The following ATG5 variants were observed in gnomAD, a reference collection of about 807,000 sequenced individuals.
ATG5 encodes the protein autophagy protein 5.
A neutral mutation model predicts 36.5 loss-of-function variants in ATG5; 14 were observed. The observed-to-expected ratio is 0.38, with a 90% CI of 0.25 to 0.60. ATG5 has a LOEUF of 0.60. Among genes scored for constraint, ATG5 ranks in the 20% least tolerant of loss-of-function variants. The pLI is 0.60. For synonymous variants in ATG5, 95 were observed against 101.5 expected (o/e 0.94, Z 0.38); for missense variants, 195 against 326.7 (o/e 0.60, Z 3.11).
chr6:106,307,679 G>T (rs1436950142), intron 3 of ATG5, among the ~76,000 whole-genome samples: 1 of 151,886 alleles, frequency 6.6e-6, no homozygotes, highest in African/African-American at 2.4e-5. Flanking sequence ...CCGGATTACA[G>T]GCATGTGCCA....
At chr6:106,311,328 G>A (rs1316892891) in intron 2 of ATG5, among the ~76,000 whole-genome samples, 3 of 152,186 alleles carry the variant, frequency 2.0e-5, no homozygotes, top group Non-Finnish European at 4.4e-5. Flanking sequence ...AGTAAAGAAT[G>A]TTATAAGAGC....
chr6:106,187,636 C>A (rs1481260317), intron 7 of ATG5, among the ~76,000 whole-genome samples: 1 of 152,066 alleles, frequency 6.6e-6, no homozygotes, highest in East Asian at 1.9e-4. Flanking sequence ...AACAAGGAAA[C>A]AGGGAATCAA....
intron 6 of ATG5, among the ~76,000 whole-genome samples, chr6:106,206,033 A>G (rs974603930): frequency 2.0e-5 from 3 of 152,202 alleles, no homozygotes; most frequent in African/African-American, 7.2e-5. Context: ...GTCAATCAGG[A>G]CGACAAAAAA....
chr6:106,209,298 G>A (rs1226246617), intron 6 of ATG5, among the ~76,000 whole-genome samples: 1 of 152,140 alleles, frequency 6.6e-6, no homozygotes, highest in African/African-American at 2.4e-5. Context: ...ACAGGTGAAT[G>A]CTTATAAACT....
At chr6:106,301,643 AC>A (rs1317219657) in intron 3 of ATG5, among the ~76,000 whole-genome samples, 2 of 151,976 alleles carry the variant, frequency 1.3e-5, no homozygotes, top group African/African-American at 4.8e-5. Context: ...CAAAATCTGA[AC>A]CTTTTTTAAC....
Position 106,186,464 on chromosome 6 carries a change from T to C in ATG5, c.*76A>G, listed in dbSNP as rs1341729802. ...CTGGTCAGGTTGCCTCCACCAAACC[T>C]GATTGAAGCAAAAGGGTGACATGCT... is the stretch of plus-strand genomic sequence containing the variant. On this transcript the variant is annotated 3_prime_UTR_variant, in exon 8 of 8. Transcript: ENST00000369076. 1.0e-5 allele frequency: 16 copies of C among 1,556,744 alleles called. No homozygotes were observed. Among genetic ancestry groups the C allele is most frequent in the Non-Finnish European group, 1.4e-5 (16 of 1,137,394 alleles).
chr6:106,234,343 G>T (rs1777809933), intron 6 of ATG5, among the ~76,000 whole-genome samples: 1 of 151,848 alleles, frequency 6.6e-6, no homozygotes, highest in Admixed American at 6.6e-5. Flanking sequence ...GCCTCCCCCT[G>T]TATTTCAGGC....
chr6:106,186,821 G>T, intron 7 of ATG5, 145 bp from the exon 8 acceptor site: 1 of 938,706 alleles, frequency 1.1e-6, no homozygotes, highest in Non-Finnish European at 1.6e-6. Flanking sequence ...CATGGAGAAA[G>T]TTCAAATGTT....
intron 4 of ATG5, among the ~76,000 whole-genome samples, chr6:106,292,312 C>A (rs138844524): frequency 6.6e-6 from 1 of 152,162 alleles, no homozygotes; most frequent in Non-Finnish European, 1.5e-5. Context: ...ATCACAAAAA[C>A]CAAATGGTGT....
Position 106,288,456 on chromosome 6 carries a change from T to C in ATG5, c.315+4572A>G, listed in dbSNP as rs139360087. 5.3e-5 allele frequency among the ~76,000 whole-genome samples: 8 copies of C among 152,246 alleles called. No homozygotes were observed. In the East Asian group the frequency reaches 1.5e-3, roughly 29 times the overall value. ...TAAACAAAACATACATCCAAATCTA[T>C]ATGTTATAAAGCAATTAACACTCTA... is the stretch of plus-strand genomic sequence containing the variant. On this transcript the variant is annotated intron_variant, in intron 4 of 7. Transcript: ENST00000369076.
chr6:106,312,413 T>A (rs1183820621), intron 2 of ATG5, among the ~76,000 whole-genome samples: 1 of 151,744 alleles, frequency 6.6e-6, no homozygotes, highest in Non-Finnish European at 1.5e-5. Flanking sequence ...CTATAAGACA[T>A]CTAAGTGAGG....
intron 4 of ATG5, among the ~76,000 whole-genome samples, chr6:106,288,997 AT>A (rs1780197864): frequency 6.6e-6 from 1 of 152,282 alleles, no homozygotes; most frequent in East Asian, 1.9e-4. Flanking sequence ...GCACAAAAAA[AT>A]CTAATCAAAA....
intron 6 of ATG5, among the ~76,000 whole-genome samples, chr6:106,206,648 CA>C (rs57955030): frequency 0.47 from 55,510 of 117,938 alleles, 10,809 homozygotes; most frequent in Admixed American, 0.57. Flanking sequence ...GAAACTGTCT[CA>C]AAAAAAAAAA....
intron 5 of ATG5, among the ~76,000 whole-genome samples, chr6:106,269,156 G>T (rs1779342782): frequency 1.3e-5 from 2 of 152,178 alleles, no homozygotes; most frequent in South Asian, 4.1e-4. Flanking sequence ...TCGACACAAA[G>T]GTTCTCCAAG....
intron 5 of ATG5, among the ~76,000 whole-genome samples, chr6:106,262,809 G>A (rs904506737): frequency 7.2e-5 from 11 of 152,178 alleles, no homozygotes; most frequent in African/African-American, 9.7e-5. Flanking sequence ...TGTGCTACCC[G>A]GCTGGGTTAC....
intron 6 of ATG5, among the ~76,000 whole-genome samples, chr6:106,223,390 T>C (rs1483426245): frequency 6.6e-6 from 1 of 152,202 alleles, no homozygotes; most frequent in Non-Finnish European, 1.5e-5. Flanking sequence ...AATAAGCTTA[T>C]AATTAATAGT....
At chr6:106,246,092 TAATTA>T (rs1302649785) in intron 6 of ATG5, among the ~76,000 whole-genome samples, 4 of 152,166 alleles carry the variant, frequency 2.6e-5, no homozygotes. Flanking sequence ...TCTAAAACTT[TAATTA>T]AATTCAAATA....
chr6:106,287,092 C>T (rs1195297828), intron 4 of ATG5, among the ~76,000 whole-genome samples: 1 of 152,204 alleles, frequency 6.6e-6, no homozygotes, highest in Non-Finnish European at 1.5e-5. Context: ...TACTATAAAA[C>T]AGCTACCAAC....
Position 106,325,654 on chromosome 6 carries a change from G to T in ATG5, c.-187C>A, listed in dbSNP as rs1310363605. 6.5e-6 allele frequency: 1 copy of T among 152,864 alleles called. No individual in the cohort carries two copies. Among genetic ancestry groups the T allele is most frequent in the Non-Finnish European group, 1.5e-5 (1 of 68,122 alleles). The allele number at this position is 152,864 out of a possible 1,614,324, so 9.5% of individuals were successfully genotyped here. On this transcript the variant is annotated 5_prime_UTR_variant, in exon 1 of 8. Transcript: ENST00000369076. ...CTGTCCTGCGGGGACGCGGTAGCAG[G>T]ACTCCAGGAAGCCCGCGCAGCCGCA... is the stretch of plus-strand genomic sequence containing the variant.
Sources: gnomAD v4.1 joint callset for allele counts (sites outside exome capture counted in the v4.1 genomes callset) on GRCh38, gnomAD v4.1.1 for gene constraint, MANE v1.5 for transcripts, NCBI Gene and HGNC (gene_info 2026-07-23, HGNC 2026-07-21) for gene names.